The following MAGI2 variants were observed in gnomAD, a reference collection of about 807,000 sequenced individuals.
The protein encoded by MAGI2 is membrane-associated guanylate kinase, WW and PDZ domain-containing protein 2.
Under a neutral mutation model 133.3 loss-of-function variants are expected in MAGI2, and 35 were observed. The observed-to-expected ratio is 0.26, with a 90% confidence interval of 0.20 to 0.35. MAGI2 has a LOEUF of 0.35. Ranked by LOEUF, MAGI2 falls within the 10% of genes least tolerant of loss-of-function variation. The probability of loss-of-function intolerance (pLI) is 1.00; values close to 1 mark genes in which losing one functional copy is unlikely to be tolerated. For missense variants in MAGI2, 1,636 were observed against 1,863.4 expected (o/e 0.88, Z 2.25); for synonymous variants, 729 against 710.6 (o/e 1.03, Z -0.41).
At chr7:79,084,644 T>A (rs964259100) in intron 1 of MAGI2, among the ~76,000 whole-genome samples, 1 of 151,814 alleles carries the variant, frequency 6.6e-6, no homozygotes, top group Non-Finnish European at 1.5e-5. Context: ...TATAGATGTC[T>A]GTTAGGTTTA....
chr7:78,592,027 A>T (rs1204222447), intron 3 of MAGI2, among the ~76,000 whole-genome samples: 1 of 152,166 alleles, frequency 6.6e-6, no homozygotes, highest in African/African-American at 2.4e-5. Context: ...GAGTGAAGTG[A>T]TAAAGAGAAA....
Position 78,019,891 on chromosome 7 carries a change from T to C in MAGI2, c.3792A>G (p.Pro1264=). ...GTGGGGCTGGATGTGATGGAGAGAA[T>C]GGAGCGAGGCCGTCGTCCAGGGAGA... The part of the protein sequence containing the change: ...VGVSLDDGLA[P]FSPSHPAPPS... The change falls in exon 22 of 22, where the codon CCA becomes CCG. Residue 1264 remains proline (P), a synonymous_variant. Coordinates refer to ENST00000354212, the MANE Select transcript of MAGI2 (RefSeq NM_012301.4). 1 of 1,611,842 alleles carries C rather than the reference T, an allele frequency of 6.2e-7. No homozygotes were observed. The highest frequency in any genetic ancestry group is 2.2e-5 in the East Asian group (1 of 44,720).
intron 1 of MAGI2, chr7:79,125,877 T>C (rs1443881281): frequency 9.0e-6 from 4 of 443,820 alleles, no homozygotes; most frequent in Non-Finnish European, 1.8e-5. Context: ...ACAGGGAAGT[T>C]ACAGGTTACA....
rs1002299211 is a variant in MAGI2, at chr7:78,160,267, G to A, written c.2603C>T (p.Pro868Leu). 1.3e-6 allele frequency: 2 copies of A among 1,584,950 alleles called. No homozygotes were observed. The highest frequency in any genetic ancestry group is 1.7e-6 in the Non-Finnish European group (2 of 1,164,718). Residue 868 changes from proline (P) to leucine (L), a missense_variant, in exon 16 of 22, where the codon CCC (proline) becomes CTC (leucine). Physicochemically the swap from Pro to Leu is moderately conservative, Grantham distance 98 (BLOSUM62 -3). Around this residue, in one of 5 missense-constraint regions of MAGI2, gnomAD observed 920 missense variants for 1,093.5 expected, o/e 0.84. Coordinates refer to ENST00000354212, the MANE Select transcript of MAGI2 (RefSeq NM_012301.4). ...TGGACTTCTCCCGTTCTCTGGGCAG[G>A]GCTCCCCTGCAAAATATACCACACA... ...VRRKVLCGGE[P>L]CPENGRSPGS...
chr7:79,186,151 T>C (rs1268928441), intron 1 of MAGI2, among the ~76,000 whole-genome samples: 1 of 146,470 alleles, frequency 6.8e-6, no homozygotes, highest in Middle Eastern at 3.4e-3. Context: ...TACCATTTGT[T>C]TCCCAAATAC....
chr7:78,051,626 C>T (rs1368434608), intron 21 of MAGI2, among the ~76,000 whole-genome samples: 4 of 152,226 alleles, frequency 2.6e-5, no homozygotes, highest in African/African-American at 9.6e-5. Context: ...GCTCTGTTGC[C>T]CAGGCTGGAG....
chr7:79,043,360 T>C (rs541194517), intron 1 of MAGI2, among the ~76,000 whole-genome samples: 14 of 151,254 alleles, frequency 9.3e-5, no homozygotes, highest in African/African-American at 3.2e-4. Context: ...CTGACCAACA[T>C]GGTGAAACCC....
At chr7:79,418,121 G>A (rs1846671471) in intron 1 of MAGI2, among the ~76,000 whole-genome samples, 1 of 151,830 alleles carries the variant, frequency 6.6e-6, no homozygotes, top group African/African-American at 2.4e-5. Context: ...TATTTAATTG[G>A]TGCCATTGTT....
At chr7:79,407,278 A>T (rs1407125592) in intron 1 of MAGI2, among the ~76,000 whole-genome samples, 1 of 152,164 alleles carries the variant, frequency 6.6e-6, no homozygotes, top group Non-Finnish European at 1.5e-5. Context: ...TGGCATCTGA[A>T]CTGCCACGTT....
chr7:78,295,660 T>A (rs1019720525), intron 9 of MAGI2, among the ~76,000 whole-genome samples: 3 of 152,170 alleles, frequency 2.0e-5, no homozygotes, highest in South Asian at 2.1e-4. Context: ...CCCTTTCATC[T>A]TCTTTGTTCA....
rs200116346 is a variant in MAGI2, at chr7:78,799,657, AC to A, written c.419-172419del. ...ATAAGTTTGCTTCTTATGTCAAGGC[AC>A]CAATATTTGCTTTTGTTCTTCCTTC... On this transcript the variant is annotated intron_variant, in intron 2 of 21. Coordinates refer to ENST00000354212, the MANE Select transcript of MAGI2 (RefSeq NM_012301.4). Among the ~76,000 whole-genome samples, 1,517 of 152,236 alleles carry A rather than the reference AC, an allele frequency of 1.0e-2. 14 individuals are homozygous for A. Among genetic ancestry groups the A allele is most frequent in the Middle Eastern group, 0.037 (11 of 294 alleles).
intron 1 of MAGI2, among the ~76,000 whole-genome samples, chr7:79,039,952 G>A (rs951628609): frequency 6.6e-6 from 1 of 150,746 alleles, no homozygotes; most frequent in Admixed American, 6.7e-5. Flanking sequence ...ATGTGGATGA[G>A]CCTGGAGGAC....
At chr7:78,394,546 C>T (rs2151323685) in intron 6 of MAGI2, among the ~76,000 whole-genome samples, 1 of 152,276 alleles carries the variant, frequency 6.6e-6, no homozygotes, top group Admixed American at 6.5e-5. Context: ...CCCCCCTCTC[C>T]CATCTAACTC....
intron 9 of MAGI2, among the ~76,000 whole-genome samples, chr7:78,305,683 A>G (rs1454280845): frequency 6.6e-6 from 1 of 152,274 alleles, no homozygotes; most frequent in East Asian, 1.9e-4. Flanking sequence ...CTAGAAGGGC[A>G]ACTCCCTTTG....
intron 3 of MAGI2, among the ~76,000 whole-genome samples, chr7:78,598,495 A>C (rs557968181): frequency 2.0e-5 from 3 of 152,178 alleles, no homozygotes; most frequent in East Asian, 1.9e-4. Context: ...AAGAAGTGAC[A>C]CTACAGAGAC....
chr7:78,953,709 AAAC>A (rs1375599736), intron 2 of MAGI2, among the ~76,000 whole-genome samples: 3 of 152,128 alleles, frequency 2.0e-5, no homozygotes, highest in Non-Finnish European at 4.4e-5. Context: ...TCTGCTTTAA[AAAC>A]AACAGCTCTA....
intron 9 of MAGI2, among the ~76,000 whole-genome samples, chr7:78,270,287 T>C (rs1212656694): frequency 6.6e-6 from 1 of 152,206 alleles, no homozygotes; most frequent in Non-Finnish European, 1.5e-5. Context: ...AAGTAGTTTT[T>C]TCCAATTCTG....
At chr7:79,006,314 C>T (rs1007383513) in intron 2 of MAGI2, among the ~76,000 whole-genome samples, 3 of 152,116 alleles carry the variant, frequency 2.0e-5, no homozygotes, top group African/African-American at 7.2e-5. Context: ...CATCCACAGC[C>T]CAGAATTTCT....
chr7:78,981,803 C>T (rs527479936), intron 2 of MAGI2, among the ~76,000 whole-genome samples: 33 of 151,858 alleles, frequency 2.2e-4, no homozygotes, highest in Non-Finnish European at 3.7e-4. Flanking sequence ...TTCTGCATTA[C>T]GTAGACAGTG....
Sources: gnomAD v4.1 joint callset for allele counts (sites outside exome capture counted in the v4.1 genomes callset) on GRCh38, gnomAD v4.1.1 for gene constraint, gnomAD v4.1.1 regional missense constraint, MANE v1.5 for transcripts, NCBI Gene and HGNC (gene_info 2026-07-23, HGNC 2026-07-21) for gene names.